Variants in RHOD observed in about 807,000 individuals in gnomAD.
RHOD encodes the protein ras homolog family member D, also known as rho-related GTP-binding protein RhoD.
A neutral mutation model predicts 16.7 loss-of-function variants in RHOD; 11 were observed. The ratio of observed to expected loss-of-function variants is 0.66; its 90% CI spans 0.41 to 1.09. The LOEUF is 1.09. RHOD is among the 50% of genes least tolerant of loss of function. RHOD has a pLI of 0.00. For synonymous variants in RHOD, 124 were observed against 126.3 expected (o/e 0.98, Z 0.12); for missense variants, 271 against 291.7 (o/e 0.93, Z 0.52).
intron 1 of RHOD, among the ~76,000 whole-genome samples, chr11:67,061,726 G>A (rs1427023281): frequency 7.3e-6 from 1 of 136,900 alleles, no homozygotes; most frequent in Non-Finnish European, 1.5e-5. Flanking sequence ...AGGCGACAGA[G>A]CGAGACCCTC....
chr11:67,058,644 C>A, intron 1 of RHOD, among the ~76,000 whole-genome samples: 1 of 152,124 alleles, frequency 6.6e-6, no homozygotes, highest in East Asian at 1.9e-4. Flanking sequence ...ATCCTCTAAG[C>A]CCCTGGGGTT....
chr11:67,058,474 C>T (rs1000088422), intron 1 of RHOD, among the ~76,000 whole-genome samples: 1 of 152,180 alleles, frequency 6.6e-6, no homozygotes, highest in Non-Finnish European at 1.5e-5. Flanking sequence ...CCACACCCAG[C>T]CAATTTTTTT....
intron 3 of RHOD, among the ~76,000 whole-genome samples, chr11:67,069,842 G>A (rs1465075356): frequency 6.6e-6 from 1 of 151,620 alleles, no homozygotes; most frequent in African/African-American, 2.4e-5. Context: ...ACAGGCACCC[G>A]CCATCATGCC....
At chr11:67,058,790 G>A (rs569281506) in intron 1 of RHOD, among the ~76,000 whole-genome samples, 16 of 152,190 alleles carry the variant, frequency 1.1e-4, no homozygotes, top group Non-Finnish European at 2.1e-4. Flanking sequence ...TGCTGCAGTG[G>A]CATTGAGCCA....
intron 1 of RHOD, among the ~76,000 whole-genome samples, chr11:67,061,632 CA>C (rs56111361): frequency 0.44 from 39,488 of 90,654 alleles, 6,548 homozygotes; most frequent in South Asian, 0.56. Flanking sequence ...AACTCTGTCT[CA>C]AAAAAAAAAA....
chr11:67,057,110 A>G lies in RHOD; in HGVS notation c.132+76A>G. On this transcript the variant is annotated intron_variant, in intron 1 of 4. Transcript: ENST00000308831. Reference sequence around the variant, plus strand: ...GTACAGGTCCGTGCCGGAGCGGCCCAGGCTGTGCGCCTAACCCGGCCTCCG... The same window carrying G: ...GTACAGGTCCGTGCCGGAGCGGCCCGGGCTGTGCGCCTAACCCGGCCTCCG... 2.3e-6 allele frequency: 3 copies of G among 1,330,092 alleles called. No homozygotes were observed. In the South Asian group the frequency reaches 5.9e-5, roughly 26 times the overall value. The allele number at this position is 1,330,092 out of a possible 1,614,324, so 82.4% of individuals were successfully genotyped here. A position where few individuals can be genotyped will look rare whatever the true frequency, so the allele number is the denominator to read the frequency against.
At chr11:67,063,660 G>A (rs1854919552) in intron 1 of RHOD, among the ~76,000 whole-genome samples, 2 of 151,312 alleles carry the variant, frequency 1.3e-5, no homozygotes, top group Admixed American at 1.3e-4. Flanking sequence ...TTAGCCAGGT[G>A]TGCTGGCGTG....
At chr11:67,068,141 C>T (rs1854982588) in intron 3 of RHOD, among the ~76,000 whole-genome samples, 1 of 152,192 alleles carries the variant, frequency 6.6e-6, no homozygotes, top group African/African-American at 2.4e-5. Flanking sequence ...TGGAGTTGCC[C>T]TTGGCCAAGA....
chr11:67,063,398 T>G (rs1044898266), intron 1 of RHOD, among the ~76,000 whole-genome samples: 26 of 149,348 alleles, frequency 1.7e-4, no homozygotes, highest in Non-Finnish European at 2.7e-4. Context: ...GAGGCTGAGG[T>G]AGGAGAATCA....
At position 67,071,502 on chromosome 11, in the gene RHOD, A is replaced by G. The variant is rs1378053015; in HGVS notation, c.533A>G (p.Asn178Ser). Reference sequence around the variant, plus strand: ...GAGTGCTCGGCTCGGCTCCATGACAACGTCCACGCCGTCTTCCAGGAGGCC... The same window carrying G: ...GAGTGCTCGGCTCGGCTCCATGACAGCGTCCACGCCGTCTTCCAGGAGGCC... The part of the protein sequence containing the change: ...YLECSARLHD[N>S]VHAVFQEAAE... Residue 178 changes from asparagine to serine, a missense_variant, in exon 5 of 5, where the codon AAC (asparagine) becomes AGC (serine). Asn to Ser is a conservative substitution (Grantham distance 46, BLOSUM62 1). Transcript: ENST00000308831. The G allele has an allele frequency of 1.2e-6, 2 of 1,611,160 alleles. No individual in the cohort carries two copies. The highest frequency in any genetic ancestry group is 1.7e-6 in the Non-Finnish European group (2 of 1,179,484).
intron 1 of RHOD, among the ~76,000 whole-genome samples, 168 bp downstream of exon 1, chr11:67,057,202 G>A (rs1327038081): frequency 6.6e-6 from 1 of 152,248 alleles, no homozygotes; most frequent in Non-Finnish European, 1.5e-5. Flanking sequence ...GGGAATGAAG[G>A]CCTCAGTGAT....
intron 1 of RHOD, among the ~76,000 whole-genome samples, chr11:67,062,095 G>A (rs888230441): frequency 2.6e-5 from 4 of 152,054 alleles, no homozygotes; most frequent in African/African-American, 9.7e-5. Context: ...ATTACAATTC[G>A]AGATGAGATT....
At chr11:67,066,613 C>A in intron 2 of RHOD, 125 bp from the exon 3 acceptor site, 1 of 725,508 alleles carries the variant, frequency 1.4e-6, no homozygotes, top group South Asian at 1.6e-5. Context: ...GTGCCAAACT[C>A]TGAGGCAAAA....
intron 4 of RHOD, 118 bp from the exon 5 acceptor site, chr11:67,071,317 C>CG (rs1312216134): frequency 1.3e-5 from 12 of 909,818 alleles, no homozygotes; most frequent in Non-Finnish European, 1.7e-5. Context: ...AGCAGGGATA[C>CG]GGGAGCCATG....
intron 3 of RHOD, among the ~76,000 whole-genome samples, chr11:67,067,107 T>G (rs760327484): frequency 2.6e-5 from 4 of 152,210 alleles, no homozygotes; most frequent in Non-Finnish European, 4.4e-5. Context: ...TGCTGCAGAC[T>G]CCGAACACTG....
At chr11:67,069,867 A>AT (rs1174510363) in intron 3 of RHOD, among the ~76,000 whole-genome samples, 1 of 145,700 alleles carries the variant, frequency 6.9e-6, no homozygotes, top group Non-Finnish European at 1.5e-5. Context: ...TAAATTTTGT[A>AT]TTTTTACTAG....
In RHOD at chr11:67,066,856, T is replaced by TG. The variant is rs1330132436; in HGVS notation, c.330+15dup. On this transcript the variant is annotated intron_variant, in intron 3 of 4. Coordinates refer to ENST00000308831, the MANE Select transcript of RHOD (RefSeq NM_014578.4). ...ACAACATCTTTAACCGGGTAGGTAC[T>TG]GGGGGGCAGGGAGGCATAGCCCCCA... is the stretch of plus-strand genomic sequence containing the variant. 3 of 1,589,160 alleles carry TG rather than the reference T, an allele frequency of 1.9e-6. No individual in the cohort carries two copies. Among genetic ancestry groups the TG allele is most frequent in the Non-Finnish European group, 8.6e-7 (1 of 1,157,460 alleles).
chr11:67,066,499 T>A (rs1383117734), intron 2 of RHOD, among the ~76,000 whole-genome samples: 1 of 152,268 alleles, frequency 6.6e-6, no homozygotes, highest in East Asian at 1.9e-4. Context: ...GTGCCAGGCC[T>A]GGCCTCTGCC....
intron 1 of RHOD, 51 bp from the exon 2 acceptor site, chr11:67,065,845 A>C (rs1178695443): frequency 7.9e-7 from 1 of 1,264,960 alleles, no homozygotes; most frequent in Non-Finnish European, 1.2e-6. Flanking sequence ...CCAAGTCCCC[A>C]GTGCCTCTCC....
Sources: allele counts gnomAD v4.1 joint callset (sites outside exome capture counted in the v4.1 genomes callset), GRCh38; gene constraint gnomAD v4.1.1; transcripts MANE v1.5; gene names NCBI Gene and HGNC (gene_info 2026-07-23, HGNC 2026-07-21).